The following GNPTG variants were observed in gnomAD, a reference collection of about 807,000 sequenced individuals.
GNPTG encodes N-acetylglucosamine-1-phosphotransferase subunit gamma.
Under a neutral mutation model 43.8 loss-of-function variants are expected in GNPTG, and 46 were observed. That is an observed-to-expected ratio of 1.05 (90% CI 0.83 to 1.34). The LOEUF (loss-of-function observed/expected upper bound fraction) is 1.34. Ranked by LOEUF, GNPTG falls within the 40% of genes most tolerant of loss-of-function variation. The pLI, the probability that GNPTG is intolerant of heterozygous loss-of-function variation, is 0.00. For missense variants in GNPTG, 549 were observed against 411.3 expected (o/e 1.33, Z -2.90); for synonymous variants, 250 against 172.8 (o/e 1.45, Z -3.50).
At chr16:1,360,063 G>T (rs534285622) in intron 3 of GNPTG, among the ~76,000 whole-genome samples, 1 of 151,928 alleles carries the variant, frequency 6.6e-6, no homozygotes, top group Non-Finnish European at 1.5e-5. Flanking sequence ...AGCCAAGATC[G>T]TGCCACTGCA....
At chr16:1,354,981 G>T (rs1484003804) in intron 3 of GNPTG, among the ~76,000 whole-genome samples, 1 of 152,100 alleles carries the variant, frequency 6.6e-6, no homozygotes, top group Admixed American at 6.5e-5. Context: ...GTGGGGTGGG[G>T]CCTGGATACT....
intron 3 of GNPTG, among the ~76,000 whole-genome samples, chr16:1,356,866 C>T (rs1056747726): frequency 4.6e-4 from 65 of 141,312 alleles, no homozygotes; most frequent in African/African-American, 1.6e-3. Flanking sequence ...AGTGTGAGAG[C>T]GGGAATCTGC....
chr16:1,362,545 G>T lies in GNPTG; in HGVS notation c.609+11G>T, dbSNP rs372353423. The T allele has an allele frequency of 6.2e-7, 1 of 1,614,140 alleles. No individual in the cohort carries two copies. The highest frequency in any genetic ancestry group is 8.5e-7 in the Non-Finnish European group (1 of 1,180,016). ...CTGATCACCCCCCAGGTAAGCGTGC[G>T]CTCGGGGTGGCCCCTGGTGGGCCTG... On this transcript the variant is annotated intron_variant, in intron 8 of 10. Coordinates refer to ENST00000204679, the MANE Select transcript of GNPTG (RefSeq NM_032520.5).
At position 1,362,095 on chromosome 16, in the gene GNPTG, C is replaced by A. The variant is rs141870165; in HGVS notation, c.375C>A (p.Asp125Glu). 29 of 1,611,242 alleles carry A rather than the reference C, an allele frequency of 1.8e-5. No homozygotes were observed. In the African/African-American group the frequency reaches 3.5e-4, roughly 19 times the overall value. ...CCTTCACGGGCATGTGGATGAGGGACGGTGACGCCTGCCGTTCCCGGAGCC... is the reference window on the plus strand; with the variant it reads ...CCTTCACGGGCATGTGGATGAGGGAAGGTGACGCCTGCCGTTCCCGGAGCC... ...NNTFTGMWMR[D>E]GDACRSRSRQ... is the part of the protein sequence containing the mutation. The change falls in exon 6 of 11, where the codon GAC becomes GAA. Residue 125 changes from aspartate to glutamate, a missense_variant. Physicochemically the swap from Asp to Glu is conservative, Grantham distance 45. Coordinates refer to ENST00000204679, the MANE Select transcript of GNPTG (RefSeq NM_032520.5).
At position 1,363,035 on chromosome 16, in the gene GNPTG, AG is replaced by A; in HGVS notation, c.863del (p.Arg288LysfsTer46). On this transcript the variant is annotated frameshift_variant, in exon 11 of 11. Coordinates refer to ENST00000204679, the MANE Select transcript of GNPTG (RefSeq NM_032520.5). LOFTEE classifies it low-confidence loss of function (END_TRUNC). ...NLEHLGHETP[R>X]AKSPEQLRGD... ...GGAGCACTTGGGCCACGAGACGCCCAGAGCCAAGTCTCCAGAGCAGCTGCGG... is the reference window on the plus strand; with the variant it reads ...GGAGCACTTGGGCCACGAGACGCCCAAGCCAAGTCTCCAGAGCAGCTGCGG... 1 of 1,614,118 alleles carries A rather than the reference AG, an allele frequency of 6.2e-7. No individual in the cohort carries two copies. Among genetic ancestry groups the A allele is most frequent in the East Asian group, 2.2e-5 (1 of 44,854 alleles).
At chr16:1,352,586 A>C (rs1420606585) in intron 3 of GNPTG, 3 of 488,418 alleles carry the variant, frequency 6.1e-6, no homozygotes, top group African/African-American at 2.0e-5. Context: ...GTGCGTGTCT[A>C]TGCAACTGGA....
chr16:1,354,778 T>TGCCAC (rs1221493714), intron 3 of GNPTG, among the ~76,000 whole-genome samples: 1 of 152,206 alleles, frequency 6.6e-6, no homozygotes, highest in Non-Finnish European at 1.5e-5. Flanking sequence ...TGTTTCCCAG[T>TGCCAC]TTCCTGATCT....
chr16:1,359,389 C>G (rs567959819), intron 3 of GNPTG, among the ~76,000 whole-genome samples: 1 of 152,292 alleles, frequency 6.6e-6, no homozygotes, highest in African/African-American at 2.4e-5. Flanking sequence ...CTGCCTCAGC[C>G]TCCCGAGTAG....
intron 3 of GNPTG, among the ~76,000 whole-genome samples, chr16:1,359,536 G>A (rs2034834766): frequency 6.6e-6 from 1 of 152,134 alleles, no homozygotes; most frequent in Non-Finnish European, 1.5e-5. Flanking sequence ...CCAAAGCACT[G>A]GGATTACAGG....
chr16:1,363,144 T>C lies in GNPTG; in HGVS notation c.*53T>C. The stretch of plus-strand genomic sequence containing the variant: ...GCGGCCGAGAGCCCTACAGAGAAGC[T>C]GGCTGGTAGGACCCGCAGGGACCAG... On this transcript the variant is annotated 3_prime_UTR_variant, in exon 11 of 11. Coordinates refer to ENST00000204679, the MANE Select transcript of GNPTG (RefSeq NM_032520.5). 6.5e-7 allele frequency: 1 copy of C among 1,536,756 alleles called. No individual in the cohort carries two copies. Among genetic ancestry groups the C allele is most frequent in the Non-Finnish European group, 8.9e-7 (1 of 1,119,176 alleles).
intron 3 of GNPTG, among the ~76,000 whole-genome samples, chr16:1,355,348 G>C (rs535285891): frequency 2.7e-4 from 41 of 152,320 alleles, no homozygotes; most frequent in African/African-American, 9.4e-4. Context: ...GGAATGAGCT[G>C]AGCAGAAAGA....
At chr16:1,354,334 G>A (rs965579759) in intron 3 of GNPTG, among the ~76,000 whole-genome samples, 1 of 151,962 alleles carries the variant, frequency 6.6e-6, no homozygotes, top group Non-Finnish European at 1.5e-5. Flanking sequence ...CATGTTGCTC[G>A]GGAGCCTGAG....
intron 2 of GNPTG, 27 bp downstream of exon 2, chr16:1,352,186 C>T (rs760002927): frequency 1.3e-6 from 2 of 1,558,192 alleles, no homozygotes; most frequent in Admixed American, 1.9e-5. Context: ...GCTGGCGGCT[C>T]GAGCGGGGGA....
chr16:1,362,625 G>A lies in GNPTG; in HGVS notation c.624G>A (p.Leu208=). Residue 208 remains leucine (L), a synonymous_variant, in exon 9 of 11, where the codon TTG becomes TTA. Coordinates refer to ENST00000204679, the MANE Select transcript of GNPTG (RefSeq NM_032520.5). ...ELITPQGHEK[L]LRTLFEDAGY... is the part of the protein sequence containing the mutation. The stretch of plus-strand genomic sequence containing the variant: ...TCCACCTTCAGGGCCATGAGAAGTT[G>A]CTGAGGACACTTTTTGAGGATGCTG... 1 of 1,614,198 alleles carries A rather than the reference G, an allele frequency of 6.2e-7. No individual in the cohort carries two copies. Among genetic ancestry groups the A allele is most frequent in the Non-Finnish European group, 8.5e-7 (1 of 1,180,038 alleles).
At position 1,362,894 on chromosome 16, in the gene GNPTG, A is replaced by C; in HGVS notation, c.811A>C (p.Thr271Pro). The C allele has an allele frequency of 8.1e-6, 13 of 1,614,080 alleles. No homozygotes were observed. Among genetic ancestry groups the C allele is most frequent in the South Asian group, 1.1e-5 (1 of 91,080 alleles). The change falls in exon 10 of 11, where the codon ACG (threonine) becomes CCG (proline). Residue 271 changes from threonine to proline, a missense_variant. Coordinates refer to ENST00000204679, the MANE Select transcript of GNPTG (RefSeq NM_032520.5). ...GCTCACCCAGCACGGCATCCCCTAC[A>C]CGAGGCCCACAGGTGAGTCACCTGT... Reference protein sequence around the residue: ...GLLTQHGIPYTRPTETSNLEH... With the variant: ...GLLTQHGIPYPRPTETSNLEH...
intron 3 of GNPTG, among the ~76,000 whole-genome samples, chr16:1,353,548 G>A (rs1422718937): frequency 1.3e-5 from 2 of 152,136 alleles, no homozygotes; most frequent in Non-Finnish European, 2.9e-5. Context: ...TTTAGAGACG[G>A]GGTCTTGCTC....
intron 3 of GNPTG, among the ~76,000 whole-genome samples, chr16:1,354,585 C>CAA (rs869067502): frequency 0.12 from 5,116 of 43,492 alleles, 500 homozygotes; most frequent in African/African-American, 0.12. Context: ...GACTTCGTCT[C>CAA]AAAAAAAAAA....
chr16:1,359,304 T>C (rs1245138859), intron 3 of GNPTG, among the ~76,000 whole-genome samples: 1 of 152,138 alleles, frequency 6.6e-6, no homozygotes, highest in Middle Eastern at 3.2e-3. Flanking sequence ...TCTAACTCTG[T>C]AGCCCAGGCT....
intron 3 of GNPTG, among the ~76,000 whole-genome samples, chr16:1,354,527 G>A (rs2034737623): frequency 1.4e-5 from 2 of 142,496 alleles, no homozygotes; most frequent in Admixed American, 7.3e-5. Flanking sequence ...CGGAGGCTGC[G>A]GTGAGCTGAG....
Sources: allele counts gnomAD v4.1 joint callset (sites outside exome capture counted in the v4.1 genomes callset), GRCh38; gene constraint gnomAD v4.1.1; transcripts MANE v1.5; gene names NCBI Gene and HGNC (gene_info 2026-07-23, HGNC 2026-07-21).